CROT: variants seen among roughly 807,000 people sequenced by gnomAD.
CROT encodes the protein peroxisomal carnitine O-octanoyltransferase.
A neutral mutation model predicts 89.2 loss-of-function variants in CROT; 84 were observed. The ratio of observed to expected loss-of-function variants is 0.94; its 90% CI spans 0.79 to 1.13. The LOEUF (loss-of-function observed/expected upper bound fraction) is 1.13, where lower values mean the gene tolerates loss of function less well. Among genes scored for constraint, CROT ranks in the 50% most tolerant of loss-of-function variants. The pLI, the probability that CROT is intolerant of heterozygous loss-of-function variation, is 0.00. For synonymous variants in CROT, 212 were observed against 239.5 expected, an observed-to-expected ratio of 0.89 and a Z score of 1.06; for missense variants, 711 against 727.8, an observed-to-expected ratio of 0.98 and a Z score of 0.27.
chr7:87,370,689 T>C (rs1806604248), intron 7 of CROT, among the ~76,000 whole-genome samples: 1 of 152,208 alleles, frequency 6.6e-6, no homozygotes, highest in Non-Finnish European at 1.5e-5. Flanking sequence ...ACTCCAAAGA[T>C]TCCCGTCATC....
At chr7:87,366,633 T>G (rs1806458257) in intron 6 of CROT, among the ~76,000 whole-genome samples, 2 of 152,244 alleles carry the variant, frequency 1.3e-5, no homozygotes, top group South Asian at 4.1e-4. Flanking sequence ...ATGATGCTAC[T>G]GCTCTCTTCA....
intron 6 of CROT, among the ~76,000 whole-genome samples, chr7:87,368,495 C>T (rs972445179): frequency 6.6e-6 from 1 of 151,922 alleles, no homozygotes. Flanking sequence ...TATCTCATCC[C>T]CTAGGTCTTG....
At chr7:87,357,908 G>C (rs1806134756) in intron 3 of CROT, among the ~76,000 whole-genome samples, 1 of 152,128 alleles carries the variant, frequency 6.6e-6, no homozygotes, top group Non-Finnish European at 1.5e-5. Flanking sequence ...ACTTTCTGCT[G>C]TTTAGGAGTG....
At chr7:87,353,814 A>T (rs553873995) in intron 3 of CROT, among the ~76,000 whole-genome samples, 1 of 152,314 alleles carries the variant, frequency 6.6e-6, no homozygotes, top group East Asian at 1.9e-4. Flanking sequence ...AGCCCAAGCC[A>T]TTCTTGAGGG....
Position 87,382,006 on chromosome 7 carries a change from A to T in CROT, c.1062+13A>T. 6.3e-7 allele frequency: 1 copy of T among 1,592,150 alleles called. No individual in the cohort carries two copies. Among genetic ancestry groups the T allele is most frequent in the Non-Finnish European group, 8.6e-7 (1 of 1,163,168 alleles). On this transcript the variant is annotated intron_variant, in intron 11 of 17. Coordinates refer to ENST00000331536, the MANE Select transcript of CROT (RefSeq NM_021151.4). ...AGGAAGATGGAAGGTATGTTTGAATAAATATTTCATCTTTTTTCTCCTAAT... is the reference window on the plus strand; with the variant it reads ...AGGAAGATGGAAGGTATGTTTGAATTAATATTTCATCTTTTTTCTCCTAAT...
At chr7:87,396,508 A>C (rs1196410051) in intron 17 of CROT, among the ~76,000 whole-genome samples, 1 of 152,176 alleles carries the variant, frequency 6.6e-6, no homozygotes, top group African/African-American at 2.4e-5. Flanking sequence ...AAACTAAAGC[A>C]AGTGGGGCAA....
At chr7:87,396,974 T>C (rs1807547188) in intron 17 of CROT, among the ~76,000 whole-genome samples, 1 of 152,224 alleles carries the variant, frequency 6.6e-6, no homozygotes, top group Admixed American at 6.5e-5. Flanking sequence ...TCTACTATTT[T>C]GTTTTTCCAT....
chr7:87,363,123 G>A (rs568617994), intron 6 of CROT, among the ~76,000 whole-genome samples: 4 of 152,140 alleles, frequency 2.6e-5, no homozygotes, highest in Non-Finnish European at 5.9e-5. Flanking sequence ...CTTTTGAATT[G>A]TCTTTATCGC....
intron 3 of CROT, chr7:87,357,668 A>G (rs977964180): frequency 4.5e-6 from 3 of 673,308 alleles, no homozygotes; most frequent in Admixed American, 2.3e-5. Flanking sequence ...CTCAGAGGGC[A>G]AGCAAAGGAA....
intron 3 of CROT, among the ~76,000 whole-genome samples, chr7:87,353,184 G>A (rs939922885): frequency 5.3e-5 from 8 of 151,294 alleles, no homozygotes; most frequent in East Asian, 1.9e-4. Context: ...GTCTCGTTCC[G>A]TTGCCCAGGC....
At chr7:87,375,514 T>G in intron 7 of CROT, 118 bp from the exon 8 acceptor site, 1 of 644,176 alleles carries the variant, frequency 1.6e-6, no homozygotes, top group Non-Finnish European at 2.6e-6. Context: ...TCATAAGTGG[T>G]TTCTTTGGGT....
intron 6 of CROT, 36 bp downstream of exon 6, chr7:87,361,888 C>T (rs1215980547): frequency 1.3e-6 from 2 of 1,540,932 alleles, no homozygotes; most frequent in African/African-American, 1.4e-5. Context: ...TTAGTAAAGG[C>T]ACTGGAATTT....
chr7:87,398,711 A>G lies in CROT; in HGVS notation c.*67A>G. On this transcript the variant is annotated 3_prime_UTR_variant, in exon 18 of 18. Transcript: ENST00000331536. ...AACTGAGTGCTGGGAGTGAGTTGGTAATATGAGATGGGAAGGAATGTTGAC... is the reference window on the plus strand; with the variant it reads ...AACTGAGTGCTGGGAGTGAGTTGGTGATATGAGATGGGAAGGAATGTTGAC... 6.8e-7 allele frequency: 1 copy of G among 1,467,894 alleles called. No homozygotes were observed. The highest frequency in any genetic ancestry group is 9.3e-7 in the Non-Finnish European group (1 of 1,071,858). The allele number at this position is 1,467,894 out of a possible 1,614,324, so 90.9% of individuals were successfully genotyped here.
chr7:87,383,697 G>A lies in CROT; in HGVS notation c.1301+1154G>A, dbSNP rs890937598. Among the ~76,000 whole-genome samples the A allele has an allele frequency of 9.2e-5, 14 of 152,010 alleles. No individual in the cohort carries two copies. In the South Asian group the frequency reaches 2.5e-3, roughly 27 times the overall value. On this transcript the variant is annotated intron_variant, in intron 13 of 17. Transcript: ENST00000331536. ...GTTTTAGTAGAGATGGGGTTTCGTC[G>A]TGTTGGCCAGGCTGGTCTCTAACTC... is the stretch of plus-strand genomic sequence containing the variant.
chr7:87,393,682 G>A (rs915113586), intron 17 of CROT, among the ~76,000 whole-genome samples: 7 of 152,138 alleles, frequency 4.6e-5, no homozygotes, highest in African/African-American at 1.7e-4. Context: ...AGCATAGTTG[G>A]CTTCATAAAA....
chr7:87,349,838 G>A (rs1332190484), intron 3 of CROT, among the ~76,000 whole-genome samples: 1 of 152,152 alleles, frequency 6.6e-6, no homozygotes, highest in Non-Finnish European at 1.5e-5. Context: ...GATAAAGGGT[G>A]AAGGTTGTTC....
intron 3 of CROT, among the ~76,000 whole-genome samples, chr7:87,350,691 A>T (rs945436655): frequency 2.6e-5 from 4 of 152,208 alleles, no homozygotes; most frequent in Admixed American, 6.5e-5. Context: ...AAGGATGAGC[A>T]TGCAATCTTA....
At chr7:87,369,345 T>G in intron 6 of CROT, 31 bp from the exon 7 acceptor site, 14 of 1,477,120 alleles carry the variant, frequency 9.5e-6, no homozygotes, top group Non-Finnish European at 1.2e-5. Flanking sequence ...ACCTTAGATT[T>G]GAGTCTTGTG....
chr7:87,370,278 G>A (rs1472553349), intron 7 of CROT, among the ~76,000 whole-genome samples: 1 of 152,120 alleles, frequency 6.6e-6, no homozygotes, highest in Non-Finnish European at 1.5e-5. Flanking sequence ...CACATTCCAG[G>A]TTCAAGTGAT....
Sources: gnomAD v4.1 joint callset for allele counts (sites outside exome capture counted in the v4.1 genomes callset) on GRCh38, gnomAD v4.1.1 for gene constraint, MANE v1.5 for transcripts, NCBI Gene and HGNC (gene_info 2026-07-23, HGNC 2026-07-21) for gene names.